PRDM5: variants seen among roughly 807,000 people sequenced by gnomAD.
The protein encoded by PRDM5 is PR domain zinc finger protein 5.
Under a neutral mutation model 81.2 loss-of-function variants are expected in PRDM5, and 56 were observed. The observed-to-expected ratio is 0.69, with a 90% confidence interval of 0.56 to 0.86. The LOEUF is 0.86. Among genes scored for constraint, PRDM5 ranks in the 40% least tolerant of loss-of-function variants. The pLI is 0.00. For missense variants in PRDM5, 697 were observed against 770.1 expected, an observed-to-expected ratio of 0.91 and a Z score of 1.12; for synonymous variants, 267 against 256.4, an observed-to-expected ratio of 1.04 and a Z score of -0.39.
At chr4:120,842,535 C>A (rs578007047) in intron 3 of PRDM5, among the ~76,000 whole-genome samples, 1 of 152,108 alleles carries the variant, frequency 6.6e-6, no homozygotes, top group Non-Finnish European at 1.5e-5. Context: ...ACAAATGCCA[C>A]TCTTGAGAAA....
chr4:120,754,402 T>TA (rs201359055), intron 14 of PRDM5, 151 bp downstream of exon 14: 28 of 518,816 alleles, frequency 5.4e-5, no homozygotes, highest in Middle Eastern at 5.3e-4. Flanking sequence ...GTTTTATCTT[T>TA]AAAAAAAATT....
At chr4:120,825,845 A>G (rs1433749930) in intron 3 of PRDM5, among the ~76,000 whole-genome samples, 1 of 151,936 alleles carries the variant, frequency 6.6e-6, no homozygotes, top group Non-Finnish European at 1.5e-5. Context: ...TCAGATACCA[A>G]TCAATTGTCT....
intron 14 of PRDM5, among the ~76,000 whole-genome samples, chr4:120,747,287 G>A (rs1449233407): frequency 8.8e-6 from 1 of 114,122 alleles, no homozygotes; most frequent in Admixed American, 1.0e-4. Flanking sequence ...ACTGTTGTGG[G>A]GTGGGGGGAG....
intron 1 of PRDM5, among the ~76,000 whole-genome samples, chr4:120,912,524 A>G (rs1766636736): frequency 6.6e-6 from 1 of 152,206 alleles, no homozygotes; most frequent in African/African-American, 2.4e-5. Flanking sequence ...TTAAAGAGAT[A>G]TTTAATAGAC....
intron 3 of PRDM5, among the ~76,000 whole-genome samples, chr4:120,826,998 T>C (rs574909589): frequency 6.6e-6 from 1 of 152,196 alleles, no homozygotes. Flanking sequence ...TATAATTTCA[T>C]GTGGACCTTC....
intron 14 of PRDM5, among the ~76,000 whole-genome samples, chr4:120,719,077 G>A (rs967968775): frequency 6.6e-6 from 1 of 152,128 alleles, no homozygotes; most frequent in East Asian, 1.9e-4. Context: ...TCCCCACTCT[G>A]GTCCAGAGCA....
intron 1 of PRDM5, among the ~76,000 whole-genome samples, chr4:120,910,487 A>G (rs1304840794): frequency 6.6e-6 from 1 of 152,182 alleles, no homozygotes; most frequent in Admixed American, 6.5e-5. Flanking sequence ...TCATACAAAC[A>G]GTAGTTTCTT....
At chr4:120,770,464 CT>C (rs10610024) in intron 13 of PRDM5, among the ~76,000 whole-genome samples, 32,831 of 146,552 alleles carry the variant, frequency 0.22, 4,167 homozygotes, top group Non-Finnish European at 0.31. Flanking sequence ...TCTCATTTCT[CT>C]TTTTTTTTTT....
intron 7 of PRDM5, chr4:120,812,774 T>A (rs1160437007): frequency 2.4e-6 from 1 of 412,788 alleles, no homozygotes; most frequent in East Asian, 8.4e-5. Context: ...ACCACCTTTC[T>A]CATATATAAA....
intron 2 of PRDM5, among the ~76,000 whole-genome samples, chr4:120,880,667 T>C (rs779697384): frequency 3.3e-5 from 5 of 152,166 alleles, no homozygotes; most frequent in Non-Finnish European, 5.9e-5. Context: ...TTAGGTTTTA[T>C]AAAATTCATA....
At chr4:120,697,998 T>G (rs1042245264) in intron 15 of PRDM5, among the ~76,000 whole-genome samples, 1 of 152,028 alleles carries the variant, frequency 6.6e-6, no homozygotes, top group African/African-American at 2.4e-5. Flanking sequence ...TTAATATTAA[T>G]ATTAGCTGAC....
At chr4:120,907,354 T>G (rs199511638) in intron 2 of PRDM5, 120 bp downstream of exon 2, 35 of 774,890 alleles carry the variant, frequency 4.5e-5, no homozygotes, top group Non-Finnish European at 4.2e-6. Context: ...AAAAAAAACC[T>G]AAAACATTTC....
At chr4:120,912,373 G>A (rs1766620775) in intron 1 of PRDM5, among the ~76,000 whole-genome samples, 1 of 152,066 alleles carries the variant, frequency 6.6e-6, no homozygotes, top group Admixed American at 6.6e-5. Flanking sequence ...CTAACTTCCA[G>A]ACTGCAGGAA....
intron 14 of PRDM5, among the ~76,000 whole-genome samples, chr4:120,727,353 A>T (rs1739577543): frequency 6.6e-6 from 1 of 152,152 alleles, no homozygotes; most frequent in African/African-American, 2.4e-5. Context: ...ATGATTCATA[A>T]GGTAATGAAA....
rs997556990 is a variant in PRDM5, at chr4:120,826,173, T to A, written c.301-4828A>T. Among the ~76,000 whole-genome samples, 5 of 152,142 alleles carry A rather than the reference T, an allele frequency of 3.3e-5. No individual in the cohort carries two copies. The East Asian group carries it at 7.7e-4, about 23-fold the overall frequency. On this transcript the variant is annotated intron_variant, in intron 3 of 15. Coordinates refer to ENST00000264808, the MANE Select transcript of PRDM5 (RefSeq NM_018699.4). Reference sequence around the variant, plus strand: ...TCCCATCATCTGAATTTTCATGTCATTCTCTTGTCCCCAAATCTCCTTCAA... The same window carrying A: ...TCCCATCATCTGAATTTTCATGTCAATCTCTTGTCCCCAAATCTCCTTCAA...
At chr4:120,785,404 T>C (rs1578726503) in intron 10 of PRDM5, among the ~76,000 whole-genome samples, 2 of 152,202 alleles carry the variant, frequency 1.3e-5, no homozygotes, top group African/African-American at 4.8e-5. Context: ...AGTGAAACTG[T>C]GCGTACTTTC....
In PRDM5 at chr4:120,745,771, G is replaced by T. The variant is rs1250300923; in HGVS notation, c.1623+8782C>A. Among the ~76,000 whole-genome samples, 2 of 144,296 alleles carry T rather than the reference G, an allele frequency of 1.4e-5. 1 individual carries two copies. Among genetic ancestry groups the T allele is most frequent in the Non-Finnish European group, 3.0e-5 (2 of 66,422 alleles). The allele number at this position is 144,296 out of a possible 152,430, so 94.7% of individuals were successfully genotyped here. ...AGGAGAACTACAAACCGCTGCTCAA[G>T]GAAATAAAAGAGGATACAAACAAAT... is the stretch of plus-strand genomic sequence containing the variant. On this transcript the variant is annotated intron_variant, in intron 14 of 15. Coordinates refer to ENST00000264808, the MANE Select transcript of PRDM5 (RefSeq NM_018699.4).
chr4:120,842,190 G>A (rs6811794), intron 3 of PRDM5, among the ~76,000 whole-genome samples: 47,210 of 151,934 alleles, frequency 0.31, 7,407 homozygotes, highest in African/African-American at 0.37. Flanking sequence ...TTGGCTGCAC[G>A]GCAGTCTGGC....
chr4:120,739,000 C>T (rs1741514551), intron 14 of PRDM5, among the ~76,000 whole-genome samples: 1 of 152,100 alleles, frequency 6.6e-6, no homozygotes, highest in East Asian at 1.9e-4. Context: ...CTTGCAGTTG[C>T]AGTCAGTTGG....
Sources: gnomAD v4.1 joint callset for allele counts (sites outside exome capture counted in the v4.1 genomes callset) on GRCh38, gnomAD v4.1.1 for gene constraint, MANE v1.5 for transcripts, NCBI Gene and HGNC (gene_info 2026-07-23, HGNC 2026-07-21) for gene names.